Variants in TRIP12 observed in about 807,000 individuals in gnomAD.
The protein encoded by TRIP12 is thyroid hormone receptor interactor 12.
TRIP12 carries 25 observed loss-of-function variants against 244.2 expected under a neutral mutation model. The observed-to-expected ratio is 0.10, with a 90% CI of 0.07 to 0.14. TRIP12 has a LOEUF of 0.14. TRIP12 is among the 10% of genes least tolerant of loss of function. The pLI is 1.00. For missense variants in TRIP12, 1,677 were observed against 2,486.4 expected (o/e 0.67, Z 6.92); for synonymous variants, 905 against 873.1 (o/e 1.04, Z -0.64).
Position 229,859,263 on chromosome 2 carries a change from T to C in TRIP12, c.536A>G (p.Lys179Arg), listed in dbSNP as rs2060102125. Residue 179 changes from lysine (K) to arginine (R), a missense_variant, in exon 4 of 42, where the codon AAG (lysine) becomes AGG (arginine). Lys to Arg is a conservative substitution (Grantham distance 26). Around this residue, in one of 11 missense-constraint regions of TRIP12, gnomAD observed 387 missense variants for 392.6 expected, o/e 0.99. Coordinates refer to ENST00000675903, the MANE Select transcript of TRIP12 (RefSeq NM_001348323.3). ...SPSTSKAHTR[K>R]SGATGGSRSQ... is the part of the protein sequence containing the mutation. ...CCGTGAACCGCCAGTGGCCCCACTC[T>C]TCCTGGTATGAGCCTTGCTTGTTGA... 4.3e-6 allele frequency: 7 copies of C among 1,614,260 alleles called. No individual in the cohort carries two copies. The highest frequency in any genetic ancestry group is 5.9e-6 in the Non-Finnish European group (7 of 1,180,052).
chr2:229,784,215 A>C, intron 34 of TRIP12, among the ~76,000 whole-genome samples: 1 of 151,800 alleles, frequency 6.6e-6, no homozygotes, highest in East Asian at 1.9e-4. Flanking sequence ...ATAGAATAAT[A>C]ACAGAAAAAA....
At chr2:229,855,919 T>A (rs1028288547) in intron 4 of TRIP12, among the ~76,000 whole-genome samples, 1 of 151,796 alleles carries the variant, frequency 6.6e-6, no homozygotes, top group African/African-American at 2.4e-5. Flanking sequence ...GCGCCTGTAA[T>A]CCCAGCTACT....
At chr2:229,893,033 T>C (rs1420476437) in intron 1 of TRIP12, among the ~76,000 whole-genome samples, 3 of 152,180 alleles carry the variant, frequency 2.0e-5, no homozygotes, top group Non-Finnish European at 2.9e-5. Flanking sequence ...TGATTCTTCT[T>C]TTACTTCTCA....
At chr2:229,844,762 CAAAT>C (rs1203697141) in intron 4 of TRIP12, among the ~76,000 whole-genome samples, 1 of 152,174 alleles carries the variant, frequency 6.6e-6, no homozygotes, top group Non-Finnish European at 1.5e-5. Context: ...TTATTCCACT[CAAAT>C]AATTACTGTT....
At chr2:229,893,832 G>T (rs2154363735) in intron 1 of TRIP12, among the ~76,000 whole-genome samples, 1 of 152,314 alleles carries the variant, frequency 6.6e-6, no homozygotes. Flanking sequence ...ACCCTCCTGA[G>T]TAGCTGTGAG....
rs2036968450 is a variant in TRIP12, at chr2:229,778,312, T to C, written c.5364+121A>G. The C allele has an allele frequency of 3.2e-6, 4 of 1,245,184 alleles. No individual in the cohort carries two copies. Among genetic ancestry groups the C allele is most frequent in the South Asian group, 3.0e-5 (2 of 66,744 alleles). The allele number at this position is 1,245,184 out of a possible 1,614,324, so 77.1% of individuals were successfully genotyped here. ...TTTAACAAAATCCCCAAGTAATTCA[T>C]ATGTGTATTGAAGTTTGAGAAGCAT... is the stretch of plus-strand genomic sequence containing the variant. On this transcript the variant is annotated intron_variant, in intron 36 of 41. Transcript: ENST00000675903. The surrounding 1 kb of genome is among the most constrained non-coding windows in gnomAD (Gnocchi z 4.1).
chr2:229,834,312 C>T (rs1029742960), intron 6 of TRIP12, among the ~76,000 whole-genome samples: 1 of 152,136 alleles, frequency 6.6e-6, no homozygotes, highest in Admixed American at 6.5e-5. Flanking sequence ...TCATTTCTTC[C>T]GAAACTATAA....
chr2:229,781,601 C>G (rs1345811904), intron 34 of TRIP12, among the ~76,000 whole-genome samples: 1 of 152,178 alleles, frequency 6.6e-6, no homozygotes, highest in Non-Finnish European at 1.5e-5. Flanking sequence ...TCATTTGTAA[C>G]CCTAATCCTG....
Position 229,807,801 on chromosome 2 carries a change from T to A in TRIP12, c.2403A>T (p.Gly801=), listed in dbSNP as rs1410442307. 1.2e-6 allele frequency: 2 copies of A among 1,614,078 alleles called. No individual in the cohort carries two copies. The highest frequency in any genetic ancestry group is 2.2e-5 in the East Asian group (1 of 44,890). Residue 801 remains glycine (G), a synonymous_variant, in exon 17 of 42, where the codon GGA becomes GGT. Transcript: ENST00000675903. The part of the protein sequence containing the change: ...IFAVDTMLKK[G]NAQNTDGAIW... ...TCGCACCATCTGTGTTCTGTGCATT[T>A]CCCTTCTTCAACATGGTATCAACTG... is the stretch of plus-strand genomic sequence containing the variant.
chr2:229,787,633 G>T lies in TRIP12; in HGVS notation c.4867C>A (p.Gln1623Lys). Residue 1623 changes from glutamine (Q) to lysine (K), a missense_variant, in exon 33 of 42, where the codon CAA (glutamine) becomes AAA (lysine). Physicochemically the swap from Gln to Lys is moderately conservative, Grantham distance 53 (BLOSUM62 1). Transcript: ENST00000675903. ...AATGCAGTTACATAAAAAAGCATTT[G>T]CCGGGTATCAAAAGGAAAGAAAAAT... is the stretch of plus-strand genomic sequence containing the variant. ...CPFFFPFDTR[Q>K]MLFYVTAFDR... The T allele has an allele frequency of 6.2e-7, 1 of 1,607,544 alleles. No homozygotes were observed. The highest frequency in any genetic ancestry group is 8.5e-7 in the Non-Finnish European group (1 of 1,177,404).
intron 33 of TRIP12, among the ~76,000 whole-genome samples, chr2:229,786,974 C>T (rs1223473198): frequency 1.3e-5 from 2 of 152,170 alleles, no homozygotes; most frequent in African/African-American, 4.8e-5. Flanking sequence ...TGGCTCAGGG[C>T]CCCGTGGTTC....
intron 4 of TRIP12, among the ~76,000 whole-genome samples, chr2:229,846,342 C>G (rs1257174876): frequency 6.6e-6 from 1 of 152,154 alleles, no homozygotes; most frequent in East Asian, 1.9e-4. Flanking sequence ...CCTGATCAGT[C>G]AACATCTATC....
At chr2:229,914,426 C>T (rs1300643380) in intron 1 of TRIP12, among the ~76,000 whole-genome samples, 1 of 152,128 alleles carries the variant, frequency 6.6e-6, no homozygotes, top group African/African-American at 2.4e-5. Context: ...ATTTACAAGG[C>T]TACTAGAAGC....
intron 5 of TRIP12, among the ~76,000 whole-genome samples, chr2:229,839,951 A>C (rs191920698): frequency 1.3e-5 from 2 of 152,358 alleles, no homozygotes; most frequent in South Asian, 2.1e-4. Context: ...GAGAGAACAC[A>C]CATAATAACT....
chr2:229,774,045 A>C, intron 38 of TRIP12, 52 bp downstream of exon 38: 1 of 1,575,996 alleles, frequency 6.3e-7, no homozygotes, highest in South Asian at 1.2e-5. Context: ...ACAATCAGGC[A>C]AAGTCCTCCG....
At chr2:229,791,431 G>A (rs1199793033) in intron 29 of TRIP12, among the ~76,000 whole-genome samples, 180 bp from the exon 30 acceptor site, 1 of 152,194 alleles carries the variant, frequency 6.6e-6, no homozygotes, top group Non-Finnish European at 1.5e-5. Flanking sequence ...ACCTTCCCAG[G>A]AGGGGCTGCC....
In TRIP12 at chr2:229,765,369, C is replaced by T. The variant is rs1036484735; in HGVS notation, c.*2185G>A. 9 of 152,134 alleles carry T rather than the reference C, an allele frequency of 5.9e-5. No homozygotes were observed. Among genetic ancestry groups the T allele is most frequent in the African/African-American group, 2.2e-4 (9 of 41,434 alleles). 9.4% of individuals were successfully genotyped at this position (152,134 alleles called of 1,614,324 possible). ...CTTTTTCCCTCTGGTGCAATAAGGC[C>T]TCTGCCAAGAGAGATTACTTTAAGA... is the stretch of plus-strand genomic sequence containing the variant. On this transcript the variant is annotated 3_prime_UTR_variant, in exon 42 of 42. Coordinates refer to ENST00000675903, the MANE Select transcript of TRIP12 (RefSeq NM_001348323.3).
intron 1 of TRIP12, among the ~76,000 whole-genome samples, chr2:229,899,988 A>T (rs1316938468): frequency 6.6e-6 from 1 of 152,252 alleles, no homozygotes; most frequent in African/African-American, 2.4e-5. Context: ...AAGTTGTTAC[A>T]TACAAAAAGA....
At chr2:229,908,248 T>C (rs925195895) in intron 1 of TRIP12, among the ~76,000 whole-genome samples, 5 of 152,170 alleles carry the variant, frequency 3.3e-5, no homozygotes, top group African/African-American at 1.2e-4. Context: ...ACCTAGATCA[T>C]TAGACTATAT....
Sources: gnomAD v4.1 joint callset for allele counts (sites outside exome capture counted in the v4.1 genomes callset) on GRCh38, gnomAD v4.1.1 for gene constraint, gnomAD v4.1.1 regional missense constraint, Gnocchi (gnomAD v3.1) non-coding constraint, MANE v1.5 for transcripts, NCBI Gene and HGNC (gene_info 2026-07-23, HGNC 2026-07-21) for gene names.